Variants in PDE1A observed in about 807,000 individuals in gnomAD.
PDE1A encodes the protein phosphodiesterase 1A.
PDE1A carries 35 observed loss-of-function variants against 61.7 expected under a neutral mutation model. The observed-to-expected ratio is 0.57, with a 90% CI of 0.43 to 0.75. The LOEUF (loss-of-function observed/expected upper bound fraction) is 0.75, where lower values mean the gene tolerates loss of function less well. Among genes scored for constraint, PDE1A ranks in the 30% least tolerant of loss-of-function variants. The pLI, the probability that PDE1A is intolerant of heterozygous loss-of-function variation, is 0.00. For synonymous variants in PDE1A, 232 were observed against 213.2 expected (o/e 1.09, Z -0.77); for missense variants, 597 against 630.6 (o/e 0.95, Z 0.57).
chr2:182,306,309 C>T (rs1421138600), intron 1 of PDE1A, among the ~76,000 whole-genome samples: 1 of 152,086 alleles, frequency 6.6e-6, no homozygotes, highest in Non-Finnish European at 1.5e-5. Flanking sequence ...GTGCAGATAT[C>T]TCTTTGACAT....
chr2:182,483,248 T>G (rs1302155103), intron 2 of PDE1A, among the ~76,000 whole-genome samples: 1 of 151,908 alleles, frequency 6.6e-6, no homozygotes, highest in Non-Finnish European at 1.5e-5. Context: ...ATTTTAATAC[T>G]GTATTCTCAA....
At chr2:182,632,817 A>G in the PDE1A span, among the ~76,000 whole-genome samples, 24 of 152,334 alleles carry the variant, frequency 1.6e-4, no homozygotes, top group African/African-American at 5.5e-4. Context: ...AGTTCAGGAT[A>G]TTATAAAACA....
intron 1 of PDE1A, among the ~76,000 whole-genome samples, chr2:182,314,804 A>G (rs1256129773): frequency 2.7e-5 from 2 of 74,990 alleles, no homozygotes; most frequent in African/African-American, 7.4e-5. Context: ...GCTTATCAAA[A>G]TGTATACTTT....
chr2:182,645,792 G>A, the PDE1A span, among the ~76,000 whole-genome samples: 8 of 152,048 alleles, frequency 5.3e-5, no homozygotes, highest in African/African-American at 1.9e-4. Flanking sequence ...AAGGTAAAAC[G>A]GTGAAGGTTA....
chr2:182,464,724 T>A (rs1384905586), intron 2 of PDE1A, among the ~76,000 whole-genome samples: 4 of 152,036 alleles, frequency 2.6e-5, no homozygotes, highest in Non-Finnish European at 5.9e-5. Context: ...AGGATCAGGG[T>A]CAGGGTGGTC....
At chr2:182,158,161 G>A (rs528944129) in intron 13 of PDE1A, among the ~76,000 whole-genome samples, 1 of 152,200 alleles carries the variant, frequency 6.6e-6, no homozygotes, top group South Asian at 2.1e-4. Context: ...TCCCTTGGAT[G>A]TATATGCAAG....
intron 1 of PDE1A, among the ~76,000 whole-genome samples, chr2:182,300,328 G>A (rs957362643): frequency 6.6e-6 from 1 of 152,158 alleles, no homozygotes; most frequent in Admixed American, 6.5e-5. Context: ...ATGGCTTCAT[G>A]GGAAGTTCCA....
intron 13 of PDE1A, among the ~76,000 whole-genome samples, chr2:182,176,793 G>A (rs1379528009): frequency 6.6e-6 from 1 of 150,566 alleles, no homozygotes; most frequent in Non-Finnish European, 1.5e-5. Flanking sequence ...TCCAGTTTTT[G>A]CCCATTCAGT....
chr2:182,211,094 A>G (rs1320744667), intron 7 of PDE1A, among the ~76,000 whole-genome samples: 1 of 152,152 alleles, frequency 6.6e-6, no homozygotes, highest in Non-Finnish European at 1.5e-5. Flanking sequence ...TTTATTTATC[A>G]GGATAGAACA....
chr2:182,495,139 C>A (rs569691396), intron 2 of PDE1A, among the ~76,000 whole-genome samples: 1 of 152,158 alleles, frequency 6.6e-6, no homozygotes, highest in South Asian at 2.1e-4. Context: ...GGGACACGTG[C>A]CCCTGACATT....
rs573872269 is a variant in PDE1A, at chr2:182,507,022, T to G, written c.101+15254A>C. On this transcript the variant is annotated intron_variant, in intron 2 of 14. Coordinates refer to the PDE1A transcript ENST00000410103. ...GGAAGAAATATTTTATGTGGACACA[T>G]GCCATTGATAGTGTTGCTGGTGAAA... is the stretch of plus-strand genomic sequence containing the variant. 2.3e-4 allele frequency among the ~76,000 whole-genome samples: 35 copies of G among 152,362 alleles called. No homozygotes were observed. In the East Asian group the frequency reaches 5.0e-3, roughly 22 times the overall value.
chr2:182,434,843 AT>A (rs1704131646), intron 2 of PDE1A, among the ~76,000 whole-genome samples: 1 of 152,066 alleles, frequency 6.6e-6, no homozygotes, highest in African/African-American at 2.4e-5. Flanking sequence ...TTGGCCACAA[AT>A]TCAATAACAA....
At chr2:182,449,809 A>G (rs1685392893) in intron 2 of PDE1A, among the ~76,000 whole-genome samples, 1 of 152,052 alleles carries the variant, frequency 6.6e-6, no homozygotes, top group Non-Finnish European at 1.5e-5. Context: ...TCACCTTCAT[A>G]TTACTAAAAT....
intron 1 of PDE1A, among the ~76,000 whole-genome samples, chr2:182,395,676 T>C (rs1701663353): frequency 6.6e-6 from 1 of 152,204 alleles, no homozygotes; most frequent in South Asian, 2.1e-4. Context: ...CAAGCTGCTC[T>C]GCCACTTGGG....
At chr2:182,231,092 C>T in exon 5 of PDE1A, 1 of 1,607,020 alleles carries the variant, frequency 6.2e-7, no homozygotes, top group Non-Finnish European at 8.5e-7. Context: ...CCACTTGCTT[C>T]ATTTAGGGCA....
chr2:182,671,361 T>TTTTTTTTTTTTTTTTTC, the PDE1A span, among the ~76,000 whole-genome samples: 3 of 114,206 alleles, frequency 2.6e-5, no homozygotes, highest in Admixed American at 9.5e-5. Flanking sequence ...TTTTTTTTTT[T>TTTTTTTTTTTTTTTTTC]GTATTTTTAG....
chr2:182,416,769 A>G (rs1339392355), intron 1 of PDE1A, among the ~76,000 whole-genome samples: 1 of 152,246 alleles, frequency 6.6e-6, no homozygotes, highest in African/African-American at 2.4e-5. Context: ...TGGGGATATT[A>G]ATAAGCATTA....
intron 2 of PDE1A, among the ~76,000 whole-genome samples, chr2:182,452,723 A>C (rs779123142): frequency 6.6e-6 from 1 of 152,140 alleles, no homozygotes; most frequent in Non-Finnish European, 1.5e-5. Flanking sequence ...AGGCCCATCA[A>C]AGTAAGACTT....
At chr2:182,145,380 C>G (rs536538737), downstream of PDE1A, among the ~76,000 whole-genome samples, 2 of 152,114 alleles carry the variant, frequency 1.3e-5, no homozygotes, top group East Asian at 3.9e-4. Context: ...AAAAAATTGC[C>G]AAATCGTCTG....
Sources: gnomAD v4.1 joint callset for allele counts (sites outside exome capture counted in the v4.1 genomes callset) on GRCh38, gnomAD v4.1.1 for gene constraint, MANE v1.5 for transcripts, NCBI Gene and HGNC (gene_info 2026-07-23, HGNC 2026-07-21) for gene names.